Variants in EEF2KMT observed in about 807,000 individuals in gnomAD.
EEF2KMT encodes the protein protein-lysine N-methyltransferase EEF2KMT.
A neutral mutation model predicts 35.1 loss-of-function variants in EEF2KMT; 30 were observed. That is an observed-to-expected ratio of 0.85 (90% CI 0.64 to 1.16). EEF2KMT has a LOEUF of 1.16. Ranked by LOEUF, EEF2KMT falls within the 50% of genes most tolerant of loss-of-function variation. EEF2KMT has a pLI of 0.00. For missense variants in EEF2KMT, 499 were observed against 438.2 expected (o/e 1.14, Z -1.24); for synonymous variants, 190 against 187.7 (o/e 1.01, Z -0.10).
chr16:5,091,988 G>A (rs1462202913), intron 3 of EEF2KMT, 93 bp from the exon 4 acceptor site: 23 of 1,575,334 alleles, frequency 1.5e-5, no homozygotes, highest in Non-Finnish European at 1.8e-5. Context: ...GGAGATTTGC[G>A]ATGGAATGGT....
chr16:5,088,416 C>T (rs1163721344), intron 7 of EEF2KMT, among the ~76,000 whole-genome samples: 2 of 152,042 alleles, frequency 1.3e-5, no homozygotes, highest in Non-Finnish European at 2.9e-5. Context: ...CACATGGCTG[C>T]CAGGAGGGGC....
Position 5,084,879 on chromosome 16 carries a change from T to A in EEF2KMT, c.*753A>T. On this transcript the variant is annotated 3_prime_UTR_variant, in exon 8 of 8. Transcript: ENST00000427587. ...TGTGCTCCCTTTGGTTATGGACACA[T>A]AACTCCTGGGCCAGAGGCTAAAACC... 6.3e-7 allele frequency: 1 copy of A among 1,592,850 alleles called. No homozygotes were observed. The highest frequency in any genetic ancestry group is 1.1e-5 in the South Asian group (1 of 90,924).
intron 7 of EEF2KMT, among the ~76,000 whole-genome samples, chr16:5,087,553 C>T (rs1319100124): frequency 2.6e-5 from 4 of 152,170 alleles, no homozygotes; most frequent in African/African-American, 9.6e-5. Flanking sequence ...ATTCCTAACA[C>T]TTTGGGAGGC....
rs572933292 is a variant in EEF2KMT, at chr16:5,097,751, G to A, written c.-12C>T. On this transcript the variant is annotated 5_prime_UTR_variant, in exon 1 of 8. Coordinates refer to ENST00000427587, the MANE Select transcript of EEF2KMT (RefSeq NM_201400.4). ...TCCTCGGGCGCCATGACGTGGGCGG[G>A]GCCGCAGCGTTGCCGGCAGACCGGG... is the stretch of plus-strand genomic sequence containing the variant. The A allele has an allele frequency of 7.9e-5, 122 of 1,551,494 alleles. 1 individual carries two copies. The highest frequency in any genetic ancestry group is 7.8e-4 in the Admixed American group (41 of 52,516).
intron 3 of EEF2KMT, among the ~76,000 whole-genome samples, chr16:5,092,824 T>C (rs1428872099): frequency 6.6e-6 from 1 of 152,136 alleles, no homozygotes; most frequent in Non-Finnish European, 1.5e-5. Flanking sequence ...TAGCCAGGCA[T>C]GGTGGCGTGT....
Position 5,090,343 on chromosome 16 carries a change from G to C in EEF2KMT, c.483C>G (p.Val161=). 6.2e-7 allele frequency: 1 copy of C among 1,612,092 alleles called. No individual in the cohort carries two copies. Among genetic ancestry groups the C allele is most frequent in the Non-Finnish European group, 8.5e-7 (1 of 1,179,874 alleles). The part of the protein sequence containing the change: ...ENPAVFTNRT[V]LELGSGAGLT... ...GGCCAGCACCACTGCCAAGCTCTAGGACAGTCCTGGCGGGAGGAAAGGGGA... is the reference window on the plus strand; with the variant it reads ...GGCCAGCACCACTGCCAAGCTCTAGCACAGTCCTGGCGGGAGGAAAGGGGA... Residue 161 remains valine, a synonymous_variant, in exon 6 of 8, where the codon GTC becomes GTG. Coordinates refer to ENST00000427587, the MANE Select transcript of EEF2KMT (RefSeq NM_201400.4). This position sits in a 1 kb window ranked among gnomAD's most constrained non-coding sequence, Gnocchi z 4.1.
rs1245139273 is a variant in EEF2KMT at position 5,089,262 on chromosome 16, G to A, written c.743-6C>T. 1 of 1,602,654 alleles carries A rather than the reference G, an allele frequency of 6.2e-7. No individual in the cohort carries two copies. Among genetic ancestry groups the A allele is most frequent in the Admixed American group, 1.7e-5 (1 of 59,994 alleles). On this transcript the variant is annotated splice_region_variant and splice_polypyrimidine_tract_variant and intron_variant, in intron 6 of 7. Coordinates refer to ENST00000427587, the MANE Select transcript of EEF2KMT (RefSeq NM_201400.4). ...TTCTGGGCAATACAGCACATCTATG[G>A]TGAAAGCTTCAGGTTACTGAAAGGG...
chr16:5,093,662 G>T (rs1957392695), intron 2 of EEF2KMT, 98 bp from the exon 3 acceptor site: 13 of 1,573,498 alleles, frequency 8.3e-6, no homozygotes, highest in Non-Finnish European at 1.1e-5. Context: ...CAGGCTACCC[G>T]ATCCCTCAGC....
intron 2 of EEF2KMT, 38 bp from the exon 3 acceptor site, chr16:5,093,602 C>A (rs147567393): frequency 3.1e-6 from 5 of 1,610,828 alleles, no homozygotes; most frequent in Non-Finnish European, 4.2e-6. Flanking sequence ...CTCGAGAGCC[C>A]GTCTTAAGTC....
chr16:5,084,733 T>A lies in EEF2KMT; in HGVS notation c.*899A>T, dbSNP rs998447141. 2 of 1,596,266 alleles carry A rather than the reference T, an allele frequency of 1.3e-6. No individual in the cohort carries two copies. The highest frequency in any genetic ancestry group is 2.7e-5 in the African/African-American group (2 of 74,832). On this transcript the variant is annotated 3_prime_UTR_variant, in exon 8 of 8. Transcript: ENST00000427587. ...GGACAGGCAATGAGGTAAGCTCTGC[T>A]CTTTATTTTTTTGCAGATGCTTTTC...
rs756870641 is a variant in EEF2KMT, at chr16:5,084,904, C to G, written c.*728G>C. 1.3e-6 allele frequency: 2 copies of G among 1,595,418 alleles called. No individual in the cohort carries two copies. Among genetic ancestry groups the G allele is most frequent in the Non-Finnish European group, 1.7e-6 (2 of 1,179,380 alleles). On this transcript the variant is annotated 3_prime_UTR_variant, in exon 8 of 8. Transcript: ENST00000427587. ...TAACTCCTGGGCCAGAGGCTAAAAC[C>G]CCAGGACCCCTGCTGTCCTTCCCGC...
In EEF2KMT at chr16:5,090,725, G is replaced by T. The variant is rs1373943515; in HGVS notation, c.343-160C>A. ...GTTGGCATGCCAACAGCTTTCACGG[G>T]CCTCAAGGGTGTCACGCGGTGTGAA... is the stretch of plus-strand genomic sequence containing the variant. On this transcript the variant is annotated intron_variant, in intron 4 of 7. Coordinates refer to ENST00000427587, the MANE Select transcript of EEF2KMT (RefSeq NM_201400.4). This position sits in a 1 kb window ranked among gnomAD's most constrained non-coding sequence, Gnocchi z 4.1. Among the ~76,000 whole-genome samples, 1 of 152,056 alleles carries T rather than the reference G, an allele frequency of 6.6e-6. No homozygotes were observed. The highest frequency in any genetic ancestry group is 1.5e-5 in the Non-Finnish European group (1 of 68,006).
intron 1 of EEF2KMT, among the ~76,000 whole-genome samples, chr16:5,096,252 G>A (rs1234795616): frequency 6.6e-6 from 1 of 152,176 alleles, no homozygotes; most frequent in African/African-American, 2.4e-5. Flanking sequence ...CTGATTCCCT[G>A]ACTTTGGTGA....
Position 5,084,667 on chromosome 16 carries a change from G to T in EEF2KMT, c.*965C>A. On this transcript the variant is annotated 3_prime_UTR_variant, in exon 8 of 8. Transcript: ENST00000427587. Reference sequence around the variant, plus strand: ...CTTGGGAGGGGTTGTTGTTGGGTCGGGGACCTGGGGTCAGCCAGGTGGTGA... The same window carrying T: ...CTTGGGAGGGGTTGTTGTTGGGTCGTGGACCTGGGGTCAGCCAGGTGGTGA... 1 of 1,588,552 alleles carries T rather than the reference G, an allele frequency of 6.3e-7. No homozygotes were observed. The highest frequency in any genetic ancestry group is 8.5e-7 in the Non-Finnish European group (1 of 1,174,532).
Position 5,089,024 on chromosome 16 carries a change from G to A in EEF2KMT, c.892+83C>T, listed in dbSNP as rs139307227. ...GTGTGGGGCAACCTAGCTTTTCCCC[G>A]GCACCCAGTTCTTTCACTTCCACTG... On this transcript the variant is annotated intron_variant, in intron 7 of 7. Coordinates refer to ENST00000427587, the MANE Select transcript of EEF2KMT (RefSeq NM_201400.4). The A allele has an allele frequency of 8.8e-4, 1,411 of 1,603,712 alleles. 11 individuals carry two copies. The African/African-American group carries it at 0.014, about 16-fold the overall frequency.
intron 3 of EEF2KMT, among the ~76,000 whole-genome samples, chr16:5,092,595 A>G (rs1374307478): frequency 6.6e-6 from 1 of 152,254 alleles, no homozygotes; most frequent in Non-Finnish European, 1.5e-5. Context: ...TTCACTCAGC[A>G]GGTCTGCTAC....
chr16:5,097,606 C>G (rs1443852134), intron 1 of EEF2KMT, 38 bp downstream of exon 1: 4 of 1,533,900 alleles, frequency 2.6e-6, no homozygotes, highest in Middle Eastern at 2.3e-4. Context: ...TGGACTCCCG[C>G]GAGCCCCGCG....
chr16:5,091,188 T>C (rs1026146060), intron 4 of EEF2KMT, among the ~76,000 whole-genome samples: 2 of 152,142 alleles, frequency 1.3e-5, no homozygotes, highest in African/African-American at 4.8e-5. Flanking sequence ...TTGAAGAGAT[T>C]CTCCTGCCTC....
At chr16:5,097,424 G>C in intron 1 of EEF2KMT, 2 of 1,433,780 alleles carry the variant, frequency 1.4e-6, no homozygotes, top group Non-Finnish European at 1.8e-6. Flanking sequence ...CCAAGGCTGT[G>C]GAGACGCCCC....
Sources: allele counts gnomAD v4.1 joint callset (sites outside exome capture counted in the v4.1 genomes callset), GRCh38; gene constraint gnomAD v4.1.1; non-coding constraint Gnocchi (gnomAD v3.1); transcripts MANE v1.5; gene names NCBI Gene and HGNC (gene_info 2026-07-23, HGNC 2026-07-21).